Variants in ZNF783 observed in about 807,000 individuals in gnomAD.
ZNF783 encodes protein ZNF783.
Under a neutral mutation model 31.3 loss-of-function variants are expected in ZNF783, and 25 were observed. The ratio of observed to expected loss-of-function variants is 0.80; its 90% CI spans 0.58 to 1.11. The LOEUF is 1.11. Among genes scored for constraint, ZNF783 ranks in the 50% most tolerant of loss-of-function variants. The pLI is 0.00. For missense variants in ZNF783, 797 were observed against 760.0 expected (o/e 1.05, Z -0.57); for synonymous variants, 369 against 319.1 (o/e 1.16, Z -1.66).
At chr7:149,269,748 C>T (rs1241105508) in intron 4 of ZNF783, among the ~76,000 whole-genome samples, 1 of 152,010 alleles carries the variant, frequency 6.6e-6, no homozygotes, top group Non-Finnish European at 1.5e-5. Flanking sequence ...TATACATGTG[C>T]CATGTTGGTG....
At chr7:149,265,000 T>TGGGGGAGAAGGCTGGAAGG (rs1797031502) in intron 1 of ZNF783, among the ~76,000 whole-genome samples, 2 of 82,032 alleles carry the variant, frequency 2.4e-5, no homozygotes, top group Admixed American at 1.3e-4. Context: ...AGGCTGGAAG[T>TGGGGGAGAAGGCTGGAAGG]GGGGGAGAAG....
At chr7:149,273,373 G>T (rs1004641786) in intron 4 of ZNF783, among the ~76,000 whole-genome samples, 1 of 152,074 alleles carries the variant, frequency 6.6e-6, no homozygotes, top group African/African-American at 2.4e-5. Flanking sequence ...CACCAACAGT[G>T]CACGAGGGTT....
At chr7:149,276,989 C>G (rs539201233) in intron 4 of ZNF783, among the ~76,000 whole-genome samples, 4 of 152,126 alleles carry the variant, frequency 2.6e-5, no homozygotes, top group African/African-American at 4.8e-5. Context: ...GCTGGGACTA[C>G]AGGTGCCTGC....
intron 1 of ZNF783, among the ~76,000 whole-genome samples, chr7:149,263,909 G>C (rs35637159): frequency 0.1 from 15,393 of 152,146 alleles, 1,006 homozygotes; most frequent in Non-Finnish European, 0.15. Context: ...AAAAAGCGTT[G>C]AGGATTCTGC....
chr7:149,280,158 A>G (rs1797431002), intron 5 of ZNF783, among the ~76,000 whole-genome samples: 1 of 115,960 alleles, frequency 8.6e-6, no homozygotes, highest in Non-Finnish European at 1.8e-5. Context: ...TGACCCCCCC[A>G]CCTCCCTCCC....
chr7:149,273,274 G>A (rs943851593), intron 4 of ZNF783, among the ~76,000 whole-genome samples: 3 of 152,264 alleles, frequency 2.0e-5, no homozygotes, highest in Admixed American at 2.0e-4. Context: ...TTAGCAGTGG[G>A]GTTTCTGGGT....
At chr7:149,268,418 C>T (rs912159453) in intron 4 of ZNF783, among the ~76,000 whole-genome samples, 4 of 152,096 alleles carry the variant, frequency 2.6e-5, no homozygotes, top group Non-Finnish European at 4.4e-5. Context: ...TTTTCAACAG[C>T]TTTATTGAGA....
At chr7:149,278,375 A>G (rs375058622) in intron 4 of ZNF783, 24 bp from the exon 5 acceptor site, 169 of 1,598,552 alleles carry the variant, frequency 1.1e-4, no homozygotes, top group Non-Finnish European at 1.2e-4. Context: ...GTTGTGCTCA[A>G]TGTCACTGAT....
intron 4 of ZNF783, chr7:149,278,082 C>A: frequency 9.8e-7 from 1 of 1,023,484 alleles, no homozygotes. Flanking sequence ...GGTGACCACC[C>A]CACTGGCTGG....
intron 5 of ZNF783, among the ~76,000 whole-genome samples, chr7:149,280,087 C>A (rs1396430069): frequency 1.0e-5 from 1 of 100,036 alleles, no homozygotes; most frequent in African/African-American, 3.2e-5. Context: ...GGCGGCTGGC[C>A]GGGCGGGGGG....
At chr7:149,262,596 C>A (rs1020413885) in intron 1 of ZNF783, among the ~76,000 whole-genome samples, 2 of 152,324 alleles carry the variant, frequency 1.3e-5, no homozygotes, top group Admixed American at 6.5e-5. Flanking sequence ...CCATCTGCGG[C>A]CTCAGCCAGG....
At chr7:149,270,062 G>A (rs543722720) in intron 4 of ZNF783, among the ~76,000 whole-genome samples, 2 of 152,108 alleles carry the variant, frequency 1.3e-5, no homozygotes, top group Non-Finnish European at 2.9e-5. Flanking sequence ...TCTTAATCCA[G>A]TCTATCATTG....
At chr7:149,269,381 C>T (rs1797158496) in intron 4 of ZNF783, among the ~76,000 whole-genome samples, 1 of 152,202 alleles carries the variant, frequency 6.6e-6, no homozygotes, top group Non-Finnish European at 1.5e-5. Flanking sequence ...TCAGCTTACT[C>T]TGTTGGTAGT....
chr7:149,262,315 G>C lies in ZNF783; in HGVS notation c.-19G>C, dbSNP rs1462171271. The C allele has an allele frequency of 9.6e-6, 13 of 1,356,206 alleles. No homozygotes were observed. The highest frequency in any genetic ancestry group is 1.2e-5 in the Non-Finnish European group (13 of 1,050,212). The allele number at this position is 1,356,206 out of a possible 1,614,324, so 84.0% of individuals were successfully genotyped here. On this transcript the variant is annotated 5_prime_UTR_variant, in exon 1 of 6. Transcript: ENST00000434415. ...GGCCGGGTCCAGGGACTGCAACCCA[G>C]CGAGGGACGCGGGCAGCCATGGCCG...
At chr7:149,268,516 C>T (rs549291302) in intron 4 of ZNF783, among the ~76,000 whole-genome samples, 1 of 152,174 alleles carries the variant, frequency 6.6e-6, no homozygotes, top group Non-Finnish European at 1.5e-5. Context: ...TGGATATAGG[C>T]ATACACCTGC....
At position 149,281,593 on chromosome 7, in the gene ZNF783, C is replaced by A. The variant is rs757408817; in HGVS notation, c.891C>A (p.Thr297=). Residue 297 remains threonine, a synonymous_variant, in exon 6 of 6, where the codon ACC becomes ACA. Coordinates refer to ENST00000434415, the MANE Select transcript of ZNF783 (RefSeq NM_001195220.2). ...RLFLGVSRGQ[T]ECRIPRGPRN... ...TTCTGGGGGTGTCCCGAGGCCAGACCGAGTGTAGAATCCCCCGAGGGCCCA... is the reference window on the plus strand; with the variant it reads ...TTCTGGGGGTGTCCCGAGGCCAGACAGAGTGTAGAATCCCCCGAGGGCCCA... 6.5e-7 allele frequency: 1 copy of A among 1,536,170 alleles called. No homozygotes were observed. Among genetic ancestry groups the A allele is most frequent in the Non-Finnish European group, 8.7e-7 (1 of 1,153,914 alleles).
Position 149,282,045 on chromosome 7 carries a change from G to C in ZNF783, c.1343G>C (p.Arg448Pro). 6.3e-7 allele frequency: 1 copy of C among 1,592,090 alleles called. No homozygotes were observed. The highest frequency in any genetic ancestry group is 8.5e-7 in the Non-Finnish European group (1 of 1,177,036). Residue 448 changes from arginine (R) to proline (P), a missense_variant, in exon 6 of 6, where the codon CGC (arginine) becomes CCC (proline). By Grantham distance (103) the Arg-to-Pro change is moderately radical (BLOSUM62 -2). Transcript: ENST00000434415. ...CSECLRFFQQ[R>P]KSLLLHQRLH... is the part of the protein sequence containing the mutation. ...GAGTGCCTGCGCTTCTTCCAGCAGCGCAAGAGCCTGCTGCTGCACCAGCGC... is the reference window on the plus strand; with the variant it reads ...GAGTGCCTGCGCTTCTTCCAGCAGCCCAAGAGCCTGCTGCTGCACCAGCGC...
chr7:149,263,302 GTGTATATATATA>G (rs1288008544), intron 1 of ZNF783, among the ~76,000 whole-genome samples: 18 of 62,768 alleles, frequency 2.9e-4, no homozygotes, highest in African/African-American at 9.4e-4. Context: ...GTGTGTGTGT[GTGTATATATATA>G]TATATATATA....
At chr7:149,276,693 C>T in intron 4 of ZNF783, 2 of 463,284 alleles carry the variant, frequency 4.3e-6, no homozygotes, top group Non-Finnish European at 5.3e-6. Context: ...TTATTTGAGA[C>T]AGGGTCTGGC....
Sources: allele counts gnomAD v4.1 joint callset (sites outside exome capture counted in the v4.1 genomes callset), GRCh38; gene constraint gnomAD v4.1.1; transcripts MANE v1.5; gene names NCBI Gene and HGNC (gene_info 2026-07-23, HGNC 2026-07-21).